Variants in DNAH12 observed in about 807,000 individuals in gnomAD.
DNAH12 encodes axonemal beta dynein heavy chain 12.
A neutral mutation model predicts 371.5 loss-of-function variants in DNAH12; 285 were observed. The ratio of observed to expected loss-of-function variants is 0.77; its 90% confidence interval spans 0.70 to 0.85. The LOEUF is 0.85. Ranked by LOEUF, DNAH12 falls within the 40% of genes least tolerant of loss-of-function variation. The pLI, the probability that DNAH12 is intolerant of heterozygous loss-of-function variation, is 0.00. For synonymous variants in DNAH12, 1,200 were observed against 1,213.0 expected, an observed-to-expected ratio of 0.99 and a Z score of 0.22; for missense variants, 3,611 against 3,689.4, an observed-to-expected ratio of 0.98 and a Z score of 0.55.
Position 57,323,113 on chromosome 3 carries a change from A to T in DNAH12, c.10277T>A (p.Leu3426His), listed in dbSNP as rs1247685792. ...GTWVCLQNCHLAVSWMPMLEK... is the reference protein window; with the variant it reads ...GTWVCLQNCHHAVSWMPMLEK... ...CAACATGGGCATCCAGGACACTGCA[A>T]GATGGCAATTCTGTAGGCACACCCA... Residue 3426 changes from leucine to histidine, a missense_variant, in exon 64 of 74, where the codon CTT becomes CAT. Leu to His is a moderately conservative substitution (Grantham distance 99). Transcript: ENST00000495027. 3 of 1,552,456 alleles carry T rather than the reference A, an allele frequency of 1.9e-6. No individual in the cohort carries two copies. The highest frequency in any genetic ancestry group is 2.6e-6 in the Non-Finnish European group (3 of 1,147,152).
chr3:57,530,674 A>C (rs922130466), intron 2 of DNAH12: 38 of 448,356 alleles, frequency 8.5e-5, no homozygotes, highest in African/African-American at 7.1e-4. Context: ...AGCACGATGC[A>C]GTTCTTCAAT....
chr3:57,366,534 A>G (rs1031576201), intron 57 of DNAH12, among the ~76,000 whole-genome samples, 195 bp downstream of exon 57: 8 of 152,154 alleles, frequency 5.3e-5, no homozygotes, highest in African/African-American at 1.7e-4. Flanking sequence ...CCAACTGCCC[A>G]TACTAAAAGC....
At chr3:57,307,427 G>A (rs745594179) in intron 69 of DNAH12, among the ~76,000 whole-genome samples, 1 of 152,144 alleles carries the variant, frequency 6.6e-6, no homozygotes, top group Admixed American at 6.5e-5. Flanking sequence ...GGGCTGTGCA[G>A]TCAGAATTCT....
At chr3:57,303,789 T>C (rs1341119353) in intron 69 of DNAH12, among the ~76,000 whole-genome samples, 2 of 152,196 alleles carry the variant, frequency 1.3e-5, no homozygotes, top group Non-Finnish European at 2.9e-5. Context: ...TTTTATTGAC[T>C]TTGGATGGTT....
chr3:57,497,655 G>T (rs1025414327), intron 11 of DNAH12, among the ~76,000 whole-genome samples: 60 of 152,160 alleles, frequency 3.9e-4, no homozygotes, highest in Admixed American at 3.1e-3. Context: ...CACATGTGTT[G>T]TTTAGGAATT....
intron 47 of DNAH12, 63 bp downstream of exon 47, chr3:57,386,378 T>C (rs1333566947): frequency 6.8e-6 from 1 of 147,196 alleles, no homozygotes; most frequent in Non-Finnish European, 1.5e-5. Flanking sequence ...AATTGTAGCT[T>C]GTATTATTAT....
intron 55 of DNAH12, among the ~76,000 whole-genome samples, chr3:57,373,286 A>G (rs2063213655): frequency 6.6e-6 from 1 of 150,766 alleles, no homozygotes. Context: ...ATTTGGACTC[A>G]GTGGTTATAG....
Position 57,333,329 on chromosome 3 carries a change from C to CTTTTTTTTTTTTTTTTTTTTTTTTTTTT in DNAH12, c.9978+1135_9978+1136insAAAAAAAAAAAAAAAAAAAAAAAAAAAA, listed in dbSNP as rs34135477. On this transcript the variant is annotated intron_variant, in intron 62 of 73. Coordinates refer to ENST00000495027, the MANE Select transcript of DNAH12 (RefSeq NM_001366028.2). ...CGGATACATGTTCTTTTTAAGGCAA[C>CTTTTTTTTTTTTTTTTTTTTTTTTTTTT]TTTTTTTTTTTTTTTTTTTTAGATG... is the stretch of plus-strand genomic sequence containing the variant. Among the ~76,000 whole-genome samples the CTTTTTTTTTTTTTTTTTTTTTTTTTTTT allele has an allele frequency of 4.2e-4, 47 of 111,070 alleles. 2 individuals are homozygous for CTTTTTTTTTTTTTTTTTTTTTTTTTTTT. The highest frequency in any genetic ancestry group is 1.8e-3 in the African/African-American group (39 of 21,906). 72.9% of individuals were successfully genotyped at this position (111,070 alleles called of 152,430 possible).
In DNAH12 at chr3:57,459,742, T is replaced by G; in HGVS notation, c.2781A>C (p.Glu927Asp). 6.5e-7 allele frequency: 1 copy of G among 1,532,044 alleles called. No homozygotes were observed. The highest frequency in any genetic ancestry group is 8.8e-7 in the Non-Finnish European group (1 of 1,133,578). 94.9% of individuals were successfully genotyped at this position (1,532,044 alleles called of 1,614,324 possible). A position where few individuals can be genotyped will look rare whatever the true frequency, so the allele number is the denominator to read the frequency against. The stretch of plus-strand genomic sequence containing the variant: ...GCCATTGAGCTTGTACTTTTAACCA[T>G]TCATCAATTGTTTCTTGTATTCGAA... ...RLIRIQETID[E>D]WLKVQAQWLY... is the part of the protein sequence containing the mutation. Residue 927 changes from glutamate (E) to aspartate (D), a missense_variant, in exon 20 of 74, where the codon GAA becomes GAC. Glu to Asp is a conservative substitution (Grantham distance 45, BLOSUM62 2). This residue lies in a region of DNAH12 where 1,314 missense variants were observed against 1,398.7 expected (regional missense o/e 0.94). Coordinates refer to ENST00000495027, the MANE Select transcript of DNAH12 (RefSeq NM_001366028.2).
In DNAH12 at chr3:57,322,250, A is replaced by C. The variant is rs575157396; in HGVS notation, c.10524+93T>G. 3.0e-5 allele frequency: 38 copies of C among 1,283,504 alleles called. 1 individual carries two copies. The African/African-American group carries it at 5.6e-4, about 19-fold the overall frequency. The allele number at this position is 1,283,504 out of a possible 1,614,324, so 79.5% of individuals were successfully genotyped here. A position where few individuals can be genotyped will look rare whatever the true frequency, so the allele number is the denominator to read the frequency against. On this transcript the variant is annotated intron_variant, in intron 65 of 73. Transcript: ENST00000495027. ...GTAAAGTTTTAAAAACATTAAATAA[A>C]AATGTTACAAAAGCATTATTAAACA... is the stretch of plus-strand genomic sequence containing the variant.
chr3:57,404,915 CATA>C, intron 42 of DNAH12, 51 bp downstream of exon 42: 2 of 1,398,936 alleles, frequency 1.4e-6, no homozygotes, highest in South Asian at 3.5e-5. Flanking sequence ...TCAAACATTT[CATA>C]ATAACATTTT....
intron 70 of DNAH12, among the ~76,000 whole-genome samples, chr3:57,300,313 C>CT (rs2061319657): frequency 1.3e-5 from 2 of 152,012 alleles, no homozygotes; most frequent in Non-Finnish European, 2.9e-5. Flanking sequence ...CTTGTTAACT[C>CT]TAAGAACCAT....
intron 60 of DNAH12, among the ~76,000 whole-genome samples, chr3:57,339,003 C>T (rs1341014553): frequency 6.6e-6 from 1 of 152,176 alleles, no homozygotes; most frequent in Non-Finnish European, 1.5e-5. Context: ...AAGAAGTAGA[C>T]ATAGGAGACT....
At chr3:57,466,159 G>A (rs962585566) in intron 17 of DNAH12, among the ~76,000 whole-genome samples, 35 of 151,632 alleles carry the variant, frequency 2.3e-4, no homozygotes, top group Admixed American at 1.6e-3. Flanking sequence ...AAGAAGAAAA[G>A]GTCTCCAAGA....
intron 62 of DNAH12, among the ~76,000 whole-genome samples, chr3:57,327,535 G>A (rs553936443): frequency 6.6e-6 from 1 of 152,216 alleles, no homozygotes; most frequent in South Asian, 2.1e-4. Flanking sequence ...CAATATACCA[G>A]AATCTCTGGG....
At chr3:57,465,590 G>A (rs1488430677) in intron 17 of DNAH12, among the ~76,000 whole-genome samples, 1 of 151,974 alleles carries the variant, frequency 6.6e-6, no homozygotes, top group African/African-American at 2.4e-5. Flanking sequence ...TTAAACTACA[G>A]TTCAGAACCC....
intron 36 of DNAH12, 105 bp downstream of exon 36, chr3:57,421,413 T>C: frequency 9.3e-7 from 1 of 1,070,160 alleles, no homozygotes; most frequent in Non-Finnish European, 1.3e-6. Flanking sequence ...CTTAAAAAGC[T>C]CACCGCAGGA....
Position 57,333,329 on chromosome 3 carries a change from C to CTTTTTTTTTTTTTTTTTTTTTTT in DNAH12, c.9978+1135_9978+1136insAAAAAAAAAAAAAAAAAAAAAAA, listed in dbSNP as rs34135477. 3.1e-4 allele frequency among the ~76,000 whole-genome samples: 34 copies of CTTTTTTTTTTTTTTTTTTTTTTT among 111,066 alleles called. 1 individual carries two copies. The highest frequency in any genetic ancestry group is 1.6e-3 in the African/African-American group (34 of 21,906). The allele number at this position is 111,066 out of a possible 152,430, so 72.9% of individuals were successfully genotyped here. On this transcript the variant is annotated intron_variant, in intron 62 of 73. Transcript: ENST00000495027. The stretch of plus-strand genomic sequence containing the variant: ...CGGATACATGTTCTTTTTAAGGCAA[C>CTTTTTTTTTTTTTTTTTTTTTTT]TTTTTTTTTTTTTTTTTTTTAGATG...
chr3:57,508,612 A>C (rs925513193), intron 6 of DNAH12, 72 bp from the exon 7 acceptor site: 2 of 1,504,742 alleles, frequency 1.3e-6, no homozygotes, highest in African/African-American at 2.9e-5. Context: ...TAATGCTTAT[A>C]ACATGAAATT....
Sources: gnomAD v4.1 joint callset for allele counts (sites outside exome capture counted in the v4.1 genomes callset) on GRCh38, gnomAD v4.1.1 for gene constraint, gnomAD v4.1.1 regional missense constraint, MANE v1.5 for transcripts, NCBI Gene and HGNC (gene_info 2026-07-23, HGNC 2026-07-21) for gene names.